ERMP1: variants seen among roughly 807,000 people sequenced by gnomAD.
ERMP1 encodes the protein endoplasmic reticulum metallopeptidase 1, also known as Felix-ina.
A neutral mutation model predicts 92.0 loss-of-function variants in ERMP1; 86 were observed. The ratio of observed to expected loss-of-function variants is 0.93; its 90% CI spans 0.79 to 1.12. The LOEUF (loss-of-function observed/expected upper bound fraction) is 1.12. Ranked by LOEUF, ERMP1 falls within the 50% of genes most tolerant of loss-of-function variation. The pLI is 0.00. For missense variants in ERMP1, 1,342 were observed against 1,116.3 expected (o/e 1.20, Z -2.88); for synonymous variants, 530 against 412.8 (o/e 1.28, Z -3.44).
chr9:5,787,156 G>C lies in ERMP1; in HGVS notation c.2703C>G (p.Leu901=), dbSNP rs781429791. The change falls in exon 15 of 15, where the codon CTC becomes CTG. Residue 901 remains leucine (L), a synonymous_variant. Transcript: ENST00000339450. ...FPSAWVCTYD[L]FVF is the part of the protein sequence containing the mutation. ...CTCATCCACAAGATTAAAATACAAAGAGATCGTAGGTGCACACCCAGGCAG... is the reference window on the plus strand; with the variant it reads ...CTCATCCACAAGATTAAAATACAAACAGATCGTAGGTGCACACCCAGGCAG... 1.1e-5 allele frequency: 18 copies of C among 1,613,034 alleles called. No individual in the cohort carries two copies. The highest frequency in any genetic ancestry group is 2.7e-5 in the African/African-American group (2 of 75,002).
chr9:5,847,760 T>C (rs1279942508), intron 6 of ERMP1, among the ~76,000 whole-genome samples: 4 of 151,584 alleles, frequency 2.6e-5, no homozygotes, highest in Admixed American at 6.6e-5. Flanking sequence ...CCGGGCGTGG[T>C]GGCAGGCGCC....
chr9:5,789,586 C>G (rs531294732), intron 13 of ERMP1, among the ~76,000 whole-genome samples: 20 of 152,232 alleles, frequency 1.3e-4, no homozygotes, highest in Non-Finnish European at 2.5e-4. Flanking sequence ...GCTCTATCAC[C>G]TAGGTTCGAG....
intron 6 of ERMP1, among the ~76,000 whole-genome samples, chr9:5,846,998 A>G (rs1830244903): frequency 6.6e-6 from 1 of 152,152 alleles, no homozygotes; most frequent in Non-Finnish European, 1.5e-5. Flanking sequence ...GGCCTCCCCC[A>G]ACCAGATTCA....
At chr9:5,838,742 C>G (rs576980160) in intron 6 of ERMP1, among the ~76,000 whole-genome samples, 2 of 151,548 alleles carry the variant, frequency 1.3e-5, no homozygotes, top group Non-Finnish European at 2.9e-5. Context: ...TTAAACACAA[C>G]TTTACCAAAG....
In ERMP1 at chr9:5,786,660, A is replaced by G. The variant is rs528803298; in HGVS notation, c.*484T>C. ...ATGCTTCTCTCCCAGCCCTATGGCA[A>G]TCACTTTCCAGTGACCTACACAGAG... On this transcript the variant is annotated 3_prime_UTR_variant, in exon 15 of 15. Transcript: ENST00000339450. 3 of 157,226 alleles carry G rather than the reference A, an allele frequency of 1.9e-5. No individual in the cohort carries two copies. Among genetic ancestry groups the G allele is most frequent in the Admixed American group, 1.2e-4 (2 of 16,518 alleles). The allele number at this position is 157,226 out of a possible 1,614,324, so 9.7% of individuals were successfully genotyped here. A position where few individuals can be genotyped will look rare whatever the true frequency, so the allele number is the denominator to read the frequency against.
chr9:5,847,969 G>C (rs926199447), intron 6 of ERMP1, among the ~76,000 whole-genome samples: 1 of 151,366 alleles, frequency 6.6e-6, no homozygotes, highest in Non-Finnish European at 1.5e-5. Flanking sequence ...CCGTAAGATG[G>C]GTTTATTATT....
intron 6 of ERMP1, among the ~76,000 whole-genome samples, 186 bp from the exon 7 acceptor site, chr9:5,811,509 T>C (rs990066755): frequency 4.6e-5 from 7 of 152,276 alleles, no homozygotes; most frequent in Middle Eastern, 3.4e-3. Flanking sequence ...CTCCCTCACT[T>C]TTTTTACTAA....
At chr9:5,846,339 A>G (rs964556125) in intron 6 of ERMP1, among the ~76,000 whole-genome samples, 1 of 152,184 alleles carries the variant, frequency 6.6e-6, no homozygotes, top group Non-Finnish European at 1.5e-5. Flanking sequence ...TCTGGGCTCA[A>G]ATCCTAGCTC....
chr9:5,814,568 C>T (rs930931792), intron 4 of ERMP1, among the ~76,000 whole-genome samples: 3 of 152,048 alleles, frequency 2.0e-5, no homozygotes, highest in African/African-American at 7.2e-5. Flanking sequence ...CATGGCAAAA[C>T]CCCACCTCTA....
chr9:5,817,854 G>C (rs116998701), intron 4 of ERMP1, among the ~76,000 whole-genome samples: 1,596 of 148,326 alleles, frequency 0.011, 11 homozygotes, highest in Middle Eastern at 0.021. Context: ...ATACACAAAA[G>C]GAAAAAAAAA....
At chr9:5,808,665 A>G (rs1477867074) in intron 8 of ERMP1, among the ~76,000 whole-genome samples, 1 of 152,264 alleles carries the variant, frequency 6.6e-6, no homozygotes, top group Non-Finnish European at 1.5e-5. Flanking sequence ...TTTAATTCAC[A>G]TAAACAATCT....
chr9:5,787,346 A>C (rs752157857), intron 14 of ERMP1, 38 bp from the exon 15 acceptor site: 53 of 1,605,688 alleles, frequency 3.3e-5, no homozygotes, highest in Admixed American at 6.8e-5. Context: ...AGTTCTCAGA[A>C]GCCAGAATAC....
chr9:5,812,596 G>T, intron 5 of ERMP1: 1 of 443,142 alleles, frequency 2.3e-6, no homozygotes, highest in South Asian at 2.6e-5. Flanking sequence ...GGCAAACCAA[G>T]ACAACAACGA....
chr9:5,809,893 TA>T, intron 8 of ERMP1, 117 bp downstream of exon 8: 1 of 679,440 alleles, frequency 1.5e-6, no homozygotes, highest in Non-Finnish European at 2.6e-6. Context: ...GCGTTTTCCA[TA>T]ACCATGCTGA....
At chr9:5,827,510 T>G (rs1177501728) in intron 2 of ERMP1, among the ~76,000 whole-genome samples, 1 of 152,250 alleles carries the variant, frequency 6.6e-6, no homozygotes, top group East Asian at 1.9e-4. Flanking sequence ...CAATTTATTA[T>G]TGACAGAAAT....
intron 11 of ERMP1, 148 bp from the exon 12 acceptor site, chr9:5,799,156 TA>T: frequency 1.7e-6 from 1 of 595,438 alleles, no homozygotes; most frequent in South Asian, 2.2e-5. Context: ...AAGGTACTGC[TA>T]GCGTTCTTTA....
chr9:5,832,653 G>C (rs530533809), intron 1 of ERMP1, 37 bp downstream of exon 1: 3 of 1,358,470 alleles, frequency 2.2e-6, no homozygotes, highest in East Asian at 6.2e-5. Flanking sequence ...AGCCGCAAAC[G>C]GACGCGCGGG....
At chr9:5,820,823 T>A (rs1352206668) in intron 4 of ERMP1, among the ~76,000 whole-genome samples, 4 of 152,188 alleles carry the variant, frequency 2.6e-5, no homozygotes, top group African/African-American at 9.7e-5. Flanking sequence ...CCTCTTTTAG[T>A]CAAACATGAA....
intron 6 of ERMP1, among the ~76,000 whole-genome samples, chr9:5,845,960 T>A (rs1466175241): frequency 2.0e-5 from 3 of 151,950 alleles, no homozygotes; most frequent in Non-Finnish European, 4.4e-5. Context: ...CACTTTGGAG[T>A]GTCAGGCAGG....
Sources: gnomAD v4.1 joint callset for allele counts (sites outside exome capture counted in the v4.1 genomes callset) on GRCh38, gnomAD v4.1.1 for gene constraint, MANE v1.5 for transcripts, NCBI Gene and HGNC (gene_info 2026-07-23, HGNC 2026-07-21) for gene names.